The following PPP3CC variants were observed in gnomAD, a reference collection of about 807,000 sequenced individuals.
PPP3CC encodes protein phosphatase 3 catalytic subunit gamma, also known as serine/threonine-protein phosphatase 2B catalytic subunit gamma isoform.
In PPP3CC, 35 loss-of-function variants were observed where a neutral mutation model predicts 60.3. That is an observed-to-expected ratio of 0.58 (90% CI 0.44 to 0.77). PPP3CC has a LOEUF of 0.77. Ranked by LOEUF, PPP3CC falls within the 30% of genes least tolerant of loss-of-function variation. The probability of loss-of-function intolerance (pLI) is 0.00; values close to 1 mark genes in which losing one functional copy is unlikely to be tolerated. For synonymous variants in PPP3CC, 206 were observed against 224.3 expected, an observed-to-expected ratio of 0.92 and a Z score of 0.73; for missense variants, 570 against 628.9, an observed-to-expected ratio of 0.91 and a Z score of 1.00.
In PPP3CC at chr8:22,475,132, A is replaced by C; in HGVS notation, c.228A>C (p.Glu76Asp). ...AILRQEKTMI[E>D]VDAPITVCGD... is the part of the protein sequence containing the mutation. Reference sequence around the variant, plus strand: ...TGAGGCAAGAGAAGACTATGATAGAAGTAGATGCTCCAATCACAGGTATAA... The same window carrying C: ...TGAGGCAAGAGAAGACTATGATAGACGTAGATGCTCCAATCACAGGTATAA... Residue 76 changes from glutamate to aspartate, a missense_variant, in exon 2 of 14, where the codon GAA (glutamate) becomes GAC (aspartate). Physicochemically the swap from Glu to Asp is conservative, Grantham distance 45. Coordinates refer to ENST00000240139, the MANE Select transcript of PPP3CC (RefSeq NM_005605.5). The C allele has an allele frequency of 1.2e-6, 2 of 1,611,922 alleles. No individual in the cohort carries two copies. The highest frequency in any genetic ancestry group is 1.7e-6 in the Non-Finnish European group (2 of 1,178,570).
chr8:22,507,493 A>G (rs1838958919), intron 4 of PPP3CC, among the ~76,000 whole-genome samples: 1 of 152,220 alleles, frequency 6.6e-6, no homozygotes, highest in African/African-American at 2.4e-5. Flanking sequence ...GGAATATTAG[A>G]GGGTCATTAA....
At chr8:22,472,240 TAGCTTAA>T (rs1837744615) in intron 1 of PPP3CC, among the ~76,000 whole-genome samples, 1 of 141,304 alleles carries the variant, frequency 7.1e-6, no homozygotes, top group Non-Finnish European at 1.5e-5. Context: ...TAATAACACC[TAGCTTAA>T]AAGACAAGTA....
intron 8 of PPP3CC, among the ~76,000 whole-genome samples, chr8:22,526,720 T>C (rs1018047590): frequency 1.6e-4 from 24 of 152,160 alleles, no homozygotes; most frequent in African/African-American, 5.5e-4. Flanking sequence ...TTTCAAAATA[T>C]AAAGAAAATC....
chr8:22,441,831 A>G (rs1307391737), intron 1 of PPP3CC, among the ~76,000 whole-genome samples: 3 of 151,928 alleles, frequency 2.0e-5, no homozygotes, highest in Non-Finnish European at 4.4e-5. Flanking sequence ...GATATTTAAG[A>G]TTAGATCTTT....
intron 3 of PPP3CC, among the ~76,000 whole-genome samples, chr8:22,477,068 A>G (rs940225965): frequency 6.6e-6 from 1 of 152,198 alleles, no homozygotes; most frequent in African/African-American, 2.4e-5. Flanking sequence ...GTAAATGTCC[A>G]AGGTCTCTAA....
At position 22,475,511 on chromosome 8, in the gene PPP3CC, A is replaced by G; in HGVS notation, c.259A>G (p.Ile87Val). Residue 87 changes from isoleucine (I) to valine (V), a missense_variant, in exon 3 of 14, where the codon ATT (isoleucine) becomes GTT (valine). Transcript: ENST00000240139. ...VDAPITVCGDIHGQFFDLMKL... is the reference protein window; with the variant it reads ...VDAPITVCGDVHGQFFDLMKL... Reference sequence around the variant, plus strand: ...GCTTTTTTTCCTAGTATGTGGTGATATTCATGGACAATTCTTTGACCTAAT... The same window carrying G: ...GCTTTTTTTCCTAGTATGTGGTGATGTTCATGGACAATTCTTTGACCTAAT... 6.2e-7 allele frequency: 1 copy of G among 1,609,684 alleles called. No homozygotes were observed. Among genetic ancestry groups the G allele is most frequent in the African/African-American group, 1.3e-5 (1 of 74,830 alleles).
intron 6 of PPP3CC, among the ~76,000 whole-genome samples, chr8:22,520,457 T>G (rs573534866): frequency 1.3e-5 from 2 of 152,314 alleles, no homozygotes; most frequent in Non-Finnish European, 2.9e-5. Flanking sequence ...TTATTTTCAC[T>G]TGATGTTGTC....
At chr8:22,476,712 T>A (rs1233410647) in intron 3 of PPP3CC, among the ~76,000 whole-genome samples, 3 of 151,168 alleles carry the variant, frequency 2.0e-5, no homozygotes, top group Non-Finnish European at 4.4e-5. Context: ...GCAGGCAGAT[T>A]ACGAAGTCAG....
chr8:22,521,853 G>T (rs1839412925), intron 6 of PPP3CC, among the ~76,000 whole-genome samples: 1 of 151,136 alleles, frequency 6.6e-6, no homozygotes, highest in Admixed American at 6.6e-5. Flanking sequence ...TTTAGAATAT[G>T]GTTGGCTAAA....
chr8:22,531,222 C>CT, intron 10 of PPP3CC: 1 of 1,346,032 alleles, frequency 7.4e-7, no homozygotes, highest in Non-Finnish European at 1.0e-6. Flanking sequence ...TTTTTTTTCT[C>CT]TTTTCCATGT....
Position 22,540,759 on chromosome 8 carries a change from A to T in PPP3CC, c.1496A>T (p.His499Leu). Residue 499 changes from histidine to leucine, a missense_variant, in exon 14 of 14, where the codon CAT becomes CTT. Transcript: ENST00000240139. ...PMKSVTSAHS[H>L]AAHRSDQGKK... ...AAATCTGTAACCTCAGCACACTCAC[A>T]TGCTGCGCACAGGAGCGACCAAGGG... is the stretch of plus-strand genomic sequence containing the variant. The T allele has an allele frequency of 1.2e-6, 2 of 1,613,960 alleles. No homozygotes were observed. Among genetic ancestry groups the T allele is most frequent in the African/African-American group, 2.7e-5 (2 of 75,034 alleles).
chr8:22,522,962 T>C (rs1839447615), intron 8 of PPP3CC: 1 of 489,868 alleles, frequency 2.0e-6, no homozygotes, highest in Non-Finnish European at 3.6e-6. Flanking sequence ...TTTGTGAGTA[T>C]AAATAATGAT....
chr8:22,471,417 A>G (rs1219676169), intron 1 of PPP3CC, among the ~76,000 whole-genome samples: 1 of 152,056 alleles, frequency 6.6e-6, no homozygotes, highest in Non-Finnish European at 1.5e-5. Flanking sequence ...CATTGTGAGA[A>G]CACCATGGAA....
intron 6 of PPP3CC, among the ~76,000 whole-genome samples, chr8:22,517,400 C>G (rs552278697): frequency 1.3e-4 from 19 of 151,944 alleles, no homozygotes; most frequent in Middle Eastern, 3.4e-3. Flanking sequence ...GAAGAATTCT[C>G]TCTTCTATTT....
At chr8:22,498,208 A>G (rs1431589098) in intron 4 of PPP3CC, 96 bp downstream of exon 4, 1 of 687,758 alleles carries the variant, frequency 1.5e-6, no homozygotes, top group African/African-American at 1.8e-5. Flanking sequence ...TAGAATTTAA[A>G]TGCTTCCTGT....
At chr8:22,531,302 A>G (rs1200769555) in intron 10 of PPP3CC, 1 of 1,531,404 alleles carries the variant, frequency 6.5e-7, no homozygotes, top group Non-Finnish European at 8.7e-7. Context: ...CTCCCTGAAG[A>G]TCACTACATT....
At position 22,483,318 on chromosome 8, in the gene PPP3CC, G is replaced by A. The variant is rs1326135190; in HGVS notation, c.372+7694G>A. 2.6e-5 allele frequency among the ~76,000 whole-genome samples: 4 copies of A among 151,834 alleles called. No homozygotes were observed. In the East Asian group the frequency reaches 5.8e-4, roughly 22 times the overall value. On this transcript the variant is annotated intron_variant, in intron 3 of 13. Coordinates refer to ENST00000240139, the MANE Select transcript of PPP3CC (RefSeq NM_005605.5). ...TTTATTTATTTTGACACGGAGTCTC[G>A]CTGTGTTGCCCAGGCTGGAGTGCAG...
intron 10 of PPP3CC, among the ~76,000 whole-genome samples, chr8:22,528,883 A>G (rs902185646): frequency 3.3e-5 from 5 of 152,156 alleles, no homozygotes; most frequent in Admixed American, 2.6e-4. Flanking sequence ...CTAGTTTCTA[A>G]TGGATCTGTA....
rs1836667961 is a variant in PPP3CC at position 22,441,476 on chromosome 8, C to T, written c.49+18C>T. 1.3e-6 allele frequency: 2 copies of T among 1,526,666 alleles called. No individual in the cohort carries two copies. Among genetic ancestry groups the T allele is most frequent in the African/African-American group, 2.8e-5 (2 of 70,698 alleles). 94.6% of individuals were successfully genotyped at this position (1,526,666 alleles called of 1,614,324 possible). Reference sequence around the variant, plus strand: ...CATCAAAGGTGCCTGGCGGGCCGGGCCTTCCTCTGGGACCCGCGGGAAACG... The same window carrying T: ...CATCAAAGGTGCCTGGCGGGCCGGGTCTTCCTCTGGGACCCGCGGGAAACG... On this transcript the variant is annotated intron_variant, in intron 1 of 13. Transcript: ENST00000240139.
Sources: allele counts gnomAD v4.1 joint callset (sites outside exome capture counted in the v4.1 genomes callset), GRCh38; gene constraint gnomAD v4.1.1; transcripts MANE v1.5; gene names NCBI Gene and HGNC (gene_info 2026-07-23, HGNC 2026-07-21).